The following NELL1 variants were observed in gnomAD, a reference collection of about 807,000 sequenced individuals.
NELL1 encodes the protein protein kinase C-binding protein NELL1.
A neutral mutation model predicts 107.4 loss-of-function variants in NELL1; 76 were observed. The ratio of observed to expected loss-of-function variants is 0.71; its 90% CI spans 0.59 to 0.86. NELL1 has a LOEUF of 0.86. Among genes scored for constraint, NELL1 ranks in the 40% least tolerant of loss-of-function variants. The pLI is 0.00. For missense variants in NELL1, 1,024 were observed against 1,005.5 expected (o/e 1.02, Z -0.25); for synonymous variants, 353 against 341.2 (o/e 1.03, Z -0.38).
chr11:21,493,314 G>A (rs1356058086), intron 15 of NELL1, among the ~76,000 whole-genome samples: 2 of 152,056 alleles, frequency 1.3e-5, no homozygotes, highest in South Asian at 2.1e-4. Context: ...ATTCACAATA[G>A]CAAAGATAGG....
chr11:21,372,496 T>C (rs1212012670), intron 15 of NELL1, among the ~76,000 whole-genome samples: 1 of 152,056 alleles, frequency 6.6e-6, no homozygotes, highest in East Asian at 1.9e-4. Context: ...ATTATTACTC[T>C]TATATGTAAT....
intron 13 of NELL1, among the ~76,000 whole-genome samples, chr11:21,225,167 A>G (rs1279642168): frequency 3.3e-5 from 5 of 152,164 alleles, no homozygotes; most frequent in African/African-American, 1.2e-4. Context: ...ATGGACATGC[A>G]GGGACTACTG....
intron 13 of NELL1, among the ~76,000 whole-genome samples, chr11:21,206,856 C>A (rs1001013393): frequency 2.0e-5 from 3 of 152,156 alleles, no homozygotes; most frequent in Non-Finnish European, 4.4e-5. Flanking sequence ...ATTTTTCCTA[C>A]CATGTTTCAT....
chr11:21,116,891 A>G (rs1855249125), intron 13 of NELL1, among the ~76,000 whole-genome samples: 1 of 152,034 alleles, frequency 6.6e-6, no homozygotes. Context: ...GAGAAATCAT[A>G]CAACTCTACT....
chr11:21,378,845 G>A (rs1851545432), intron 15 of NELL1, among the ~76,000 whole-genome samples: 1 of 151,414 alleles, frequency 6.6e-6, no homozygotes, highest in Admixed American at 6.6e-5. Context: ...AGCCTCCCGA[G>A]TAGCTGGGAT....
chr11:21,232,151 A>T (rs199986701), intron 14 of NELL1, among the ~76,000 whole-genome samples: 9 of 57,822 alleles, frequency 1.6e-4, no homozygotes, highest in African/African-American at 7.0e-4. Flanking sequence ...AAAAAATAAA[A>T]AAAAAAAAAT....
At chr11:21,353,357 T>G (rs1850859648) in intron 14 of NELL1, among the ~76,000 whole-genome samples, 1 of 152,184 alleles carries the variant, frequency 6.6e-6, no homozygotes, top group South Asian at 2.1e-4. Context: ...GAAGAGGTAT[T>G]CATTTCACAA....
intron 2 of NELL1, among the ~76,000 whole-genome samples, chr11:20,702,069 G>A (rs1173358102): frequency 2.0e-5 from 3 of 152,062 alleles, no homozygotes; most frequent in African/African-American, 7.2e-5. Flanking sequence ...AGCTTGATGG[G>A]GATGGCATTG....
chr11:21,400,294 A>C (rs1195683979), intron 15 of NELL1, among the ~76,000 whole-genome samples: 1 of 151,838 alleles, frequency 6.6e-6, no homozygotes, highest in African/African-American at 2.4e-5. Flanking sequence ...ATTCTATGAA[A>C]AGAATTAACT....
chr11:20,909,281 A>G (rs538394875), intron 5 of NELL1, among the ~76,000 whole-genome samples: 3 of 152,332 alleles, frequency 2.0e-5, no homozygotes, highest in South Asian at 4.1e-4. Context: ...AATGTATTTA[A>G]TGCCACTGAA....
chr11:21,451,228 A>AAAAAGG, intron 15 of NELL1, among the ~76,000 whole-genome samples: 1 of 151,292 alleles, frequency 6.6e-6, no homozygotes, highest in East Asian at 2.0e-4. Context: ...AAAGAAAAAG[A>AAAAAGG]AAAAAGAAAT....
intron 15 of NELL1, among the ~76,000 whole-genome samples, chr11:21,422,507 T>C (rs1434145111): frequency 2.0e-5 from 3 of 152,068 alleles, no homozygotes; most frequent in African/African-American, 7.2e-5. Flanking sequence ...AGAACAATTA[T>C]TAGTATATTT....
intron 14 of NELL1, among the ~76,000 whole-genome samples, chr11:21,280,529 G>A (rs1848969479): frequency 6.6e-6 from 1 of 152,146 alleles, no homozygotes; most frequent in Admixed American, 6.5e-5. Flanking sequence ...TTTGTGGGAG[G>A]GGGAGAGCAT....
chr11:20,692,082 G>A (rs1298858374), intron 2 of NELL1, among the ~76,000 whole-genome samples: 1 of 151,564 alleles, frequency 6.6e-6, no homozygotes, highest in Admixed American at 6.6e-5. Context: ...AGAGGTGTTT[G>A]TAGTATTCTC....
At chr11:21,383,024 T>A (rs1292807143) in intron 15 of NELL1, among the ~76,000 whole-genome samples, 2 of 151,976 alleles carry the variant, frequency 1.3e-5, no homozygotes, top group Non-Finnish European at 2.9e-5. Context: ...CATAAGTCTT[T>A]GTATCCAAGA....
At chr11:20,740,318 T>C (rs1024602400) in intron 2 of NELL1, among the ~76,000 whole-genome samples, 4 of 152,204 alleles carry the variant, frequency 2.6e-5, no homozygotes, top group African/African-American at 9.6e-5. Flanking sequence ...AAGGTCTTCC[T>C]GGATGAAGAC....
At chr11:21,218,953 G>T (rs921504287) in intron 13 of NELL1, among the ~76,000 whole-genome samples, 1 of 152,074 alleles carries the variant, frequency 6.6e-6, no homozygotes, top group Admixed American at 6.6e-5. Flanking sequence ...AAATATGGGG[G>T]TGCAAATATC....
At chr11:21,397,953 G>T (rs1330656375) in intron 15 of NELL1, among the ~76,000 whole-genome samples, 37 of 151,404 alleles carry the variant, frequency 2.4e-4, no homozygotes, top group Admixed American at 2.4e-3. Context: ...GGACTCTTCT[G>T]TCGCCAGAAT....
chr11:21,035,374 G>C (rs1229639510), intron 12 of NELL1, among the ~76,000 whole-genome samples: 2 of 151,556 alleles, frequency 1.3e-5, no homozygotes, highest in African/African-American at 4.9e-5. Context: ...AACATGCTAT[G>C]AGGCCAGCAT....
Sources: allele counts gnomAD v4.1 joint callset (sites outside exome capture counted in the v4.1 genomes callset), GRCh38; gene constraint gnomAD v4.1.1; transcripts MANE v1.5; gene names NCBI Gene and HGNC (gene_info 2026-07-23, HGNC 2026-07-21).